The following RRAS2 variants were observed in gnomAD, a reference collection of about 807,000 sequenced individuals.
RRAS2 encodes the protein ras-related protein R-Ras2.
Under a neutral mutation model 27.6 loss-of-function variants are expected in RRAS2, and 7 were observed. The ratio of observed to expected loss-of-function variants is 0.25; its 90% CI spans 0.14 to 0.48. RRAS2 has a LOEUF of 0.48. Ranked by LOEUF, RRAS2 falls within the 20% of genes least tolerant of loss-of-function variation. The pLI is 0.99. For missense variants in RRAS2, 178 were observed against 256.2 expected (o/e 0.69, Z 2.08); for synonymous variants, 86 against 90.9 (o/e 0.95, Z 0.31).
At chr11:14,306,919 A>C (rs1247541610) in intron 1 of RRAS2, among the ~76,000 whole-genome samples, 11 of 150,390 alleles carry the variant, frequency 7.3e-5, no homozygotes, top group African/African-American at 2.7e-4. Context: ...GGCCGGGCGC[A>C]GTGGCTCACG....
chr11:14,295,910 ACAC>A, intron 1 of RRAS2, 55 bp from the exon 2 acceptor site: 1 of 1,523,102 alleles, frequency 6.6e-7, no homozygotes. Flanking sequence ...ATGGTAGCTC[ACAC>A]CTGTAATCCT....
chr11:14,340,735 T>A lies in RRAS2; in HGVS notation c.108+18028A>T, dbSNP rs527984366. Reference sequence around the variant, plus strand: ...ACACCATGAGTTAATTCCTAGGTAATTCCCAAAAAGGATATAATCCAAACC... The same window carrying A: ...ACACCATGAGTTAATTCCTAGGTAAATCCCAAAAAGGATATAATCCAAACC... On this transcript the variant is annotated intron_variant, in intron 1 of 5. Coordinates refer to ENST00000256196, the MANE Select transcript of RRAS2 (RefSeq NM_012250.6). Among the ~76,000 whole-genome samples, 3 of 152,220 alleles carry A rather than the reference T, an allele frequency of 2.0e-5. No homozygotes were observed. In the South Asian group the frequency reaches 6.2e-4, roughly 32 times the overall value.
upstream of RRAS2, among the ~76,000 whole-genome samples, chr11:14,360,619 G>A (rs1250143156): frequency 6.6e-5 from 10 of 151,494 alleles, no homozygotes; most frequent in African/African-American, 1.5e-4. Flanking sequence ...GGCTAGTCTC[G>A]AACTCCCAAA....
intron 1 of RRAS2, among the ~76,000 whole-genome samples, chr11:14,344,881 T>C (rs868939416): frequency 6.6e-6 from 1 of 152,086 alleles, no homozygotes; most frequent in Admixed American, 6.5e-5. Context: ...GCCAGCTCTT[T>C]CTCTTCTTCA....
intron 2 of RRAS2, 110 bp downstream of exon 2, chr11:14,295,658 T>C: frequency 1.2e-6 from 1 of 813,184 alleles, no homozygotes; most frequent in Non-Finnish European, 1.9e-6. Context: ...TGGGCTAATA[T>C]TCCAGATCAT....
chr11:14,364,030 A>C (rs1468742320), upstream of RRAS2, among the ~76,000 whole-genome samples: 1 of 152,194 alleles, frequency 6.6e-6, no homozygotes, highest in Non-Finnish European at 1.5e-5. Flanking sequence ...AAATCACACC[A>C]TTGCACTCCA....
intron 1 of RRAS2, among the ~76,000 whole-genome samples, chr11:14,317,758 T>C (rs1368576003): frequency 6.6e-6 from 1 of 152,254 alleles, no homozygotes; most frequent in South Asian, 2.1e-4. Flanking sequence ...AAACAAATCA[T>C]TGCAAACTCT....
At chr11:14,343,910 G>A (rs782458659) in intron 1 of RRAS2, among the ~76,000 whole-genome samples, 6 of 151,934 alleles carry the variant, frequency 3.9e-5, no homozygotes, top group Non-Finnish European at 5.9e-5. Context: ...GGAGGCCAAG[G>A]TGGGCAGATC....
intron 4 of RRAS2, among the ~76,000 whole-genome samples, chr11:14,285,302 T>C (rs149440074): frequency 3.1e-4 from 47 of 152,258 alleles, no homozygotes; most frequent in Non-Finnish European, 6.3e-4. Context: ...AAGTCCCAGC[T>C]ACTTGGGTGG....
intron 1 of RRAS2, among the ~76,000 whole-genome samples, chr11:14,340,127 GT>G (rs1848672776): frequency 7.4e-6 from 1 of 135,154 alleles, no homozygotes; most frequent in African/African-American, 2.6e-5. Flanking sequence ...AACAGAGTCT[GT>G]CCCTCTGTCT....
intron 4 of RRAS2, among the ~76,000 whole-genome samples, chr11:14,287,631 G>A (rs374628367): frequency 1.3e-5 from 2 of 152,160 alleles, no homozygotes; most frequent in African/African-American, 4.8e-5. Flanking sequence ...AAACACTTTG[G>A]GAGGCCGAGG....
chr11:14,299,103 A>G (rs1369662810), intron 1 of RRAS2, among the ~76,000 whole-genome samples: 1 of 152,248 alleles, frequency 6.6e-6, no homozygotes, highest in East Asian at 1.9e-4. Context: ...AAAATGAAAT[A>G]ATGCATATGA....
At chr11:14,291,038 G>T (rs1186748110) in intron 4 of RRAS2, among the ~76,000 whole-genome samples, 3 of 152,170 alleles carry the variant, frequency 2.0e-5, no homozygotes, top group Non-Finnish European at 4.4e-5. Flanking sequence ...TGGAGAAGTT[G>T]ATCATAGACA....
At chr11:14,308,432 C>A in intron 1 of RRAS2, 1 of 249,588 alleles carries the variant, frequency 4.0e-6, no homozygotes, top group Admixed American at 5.6e-5. Context: ...TCTTTCCTGG[C>A]TCTCACCTAT....
At chr11:14,302,073 TACACACACACACACACAC>T (rs57730782) in intron 1 of RRAS2, among the ~76,000 whole-genome samples, 3 of 142,472 alleles carry the variant, frequency 2.1e-5, no homozygotes, top group Non-Finnish European at 4.6e-5. Context: ...ACCACACACA[TACACACACACACACACAC>T]ACACACACAC....
chr11:14,304,947 C>G lies in RRAS2; in HGVS notation c.109-9092G>C, dbSNP rs572723118. 5.9e-5 allele frequency among the ~76,000 whole-genome samples: 9 copies of G among 152,154 alleles called. No homozygotes were observed. The East Asian group carries it at 1.7e-3, about 29-fold the overall frequency. ...TCCTTCACTGAAGTATAGCTTTTGACTGAAATTAGTATTTCATTTAATCTA... is the reference window on the plus strand; with the variant it reads ...TCCTTCACTGAAGTATAGCTTTTGAGTGAAATTAGTATTTCATTTAATCTA... On this transcript the variant is annotated intron_variant, in intron 1 of 5. Coordinates refer to ENST00000256196, the MANE Select transcript of RRAS2 (RefSeq NM_012250.6).
chr11:14,287,498 A>G (rs1849693386), intron 4 of RRAS2, among the ~76,000 whole-genome samples: 1 of 152,158 alleles, frequency 6.6e-6, no homozygotes, highest in Admixed American at 6.5e-5. Flanking sequence ...TTATTCCTCA[A>G]AAAGATACCT....
chr11:14,332,404 G>A (rs535901900), intron 1 of RRAS2, among the ~76,000 whole-genome samples: 2 of 152,308 alleles, frequency 1.3e-5, no homozygotes, highest in Non-Finnish European at 1.5e-5. Flanking sequence ...GGGAGGCTGA[G>A]GCAGGAGGCC....
intron 4 of RRAS2, among the ~76,000 whole-genome samples, chr11:14,286,573 C>T (rs1377649934): frequency 6.6e-6 from 1 of 152,168 alleles, no homozygotes; most frequent in Non-Finnish European, 1.5e-5. Flanking sequence ...TCCTTCTAAA[C>T]GTTTTAGGTA....
Sources: gnomAD v4.1 joint callset for allele counts (sites outside exome capture counted in the v4.1 genomes callset) on GRCh38, gnomAD v4.1.1 for gene constraint, MANE v1.5 for transcripts, NCBI Gene and HGNC (gene_info 2026-07-23, HGNC 2026-07-21) for gene names.